PDZRN3: variants seen among roughly 807,000 people sequenced by gnomAD.
The protein encoded by PDZRN3 is PDZ domain containing ring finger 3, also known as E3 ubiquitin-protein ligase PDZRN3.
Under a neutral mutation model 85.7 loss-of-function variants are expected in PDZRN3, and 38 were observed. That is an observed-to-expected ratio of 0.44 (90% CI 0.34 to 0.58). The LOEUF (loss-of-function observed/expected upper bound fraction) is 0.58, where lower values mean the gene tolerates loss of function less well. Ranked by LOEUF, PDZRN3 falls within the 20% of genes least tolerant of loss-of-function variation. The probability of loss-of-function intolerance (pLI) is 0.01; values close to 1 mark genes in which losing one functional copy is unlikely to be tolerated. For missense variants in PDZRN3, 1,629 were observed against 1,506.4 expected (o/e 1.08, Z -1.35); for synonymous variants, 759 against 638.0 (o/e 1.19, Z -2.86).
Position 73,573,718 on chromosome 3 carries a change from C to T in PDZRN3, c.918+28636G>A, listed in dbSNP as rs543853085. On this transcript the variant is annotated intron_variant, in intron 3 of 9. Transcript: ENST00000263666. ...TCATTTTTCCCAATCTATGCAAGTC[C>T]ACCAAAAATACTTTAGCAGGCTTTA... Among the ~76,000 whole-genome samples, 10 of 152,220 alleles carry T rather than the reference C, an allele frequency of 6.6e-5. No homozygotes were observed. The East Asian group carries it at 1.5e-3, about 24-fold the overall frequency.
rs182359390 is a variant in PDZRN3 at position 73,591,251 on chromosome 3, A to G, written c.918+11103T>C. ...ATTACTCATGAGTCATTATAAAAAC[A>G]GAAATCTTAATGTTTTTGGCACTTT... On this transcript the variant is annotated intron_variant, in intron 3 of 9. Transcript: ENST00000263666. Among the ~76,000 whole-genome samples the G allele has an allele frequency of 2.6e-5, 4 of 152,350 alleles. No homozygotes were observed. In the East Asian group the frequency reaches 5.8e-4, roughly 22 times the overall value.
At chr3:73,429,538 A>G (rs929580823) in intron 3 of PDZRN3, among the ~76,000 whole-genome samples, 1 of 152,222 alleles carries the variant, frequency 6.6e-6, no homozygotes, top group Non-Finnish European at 1.5e-5. Context: ...TCAAGTTTCC[A>G]GACTTCTCCA....
chr3:73,459,984 T>C lies in PDZRN3; in HGVS notation c.919-55589A>G, dbSNP rs116075850. On this transcript the variant is annotated intron_variant, in intron 3 of 9. Transcript: ENST00000263666. ...CACTTCCCCTTCCAAGTGAAAAATG[T>C]AGATGACAATGTTTGTGGAAGATGA... Among the ~76,000 whole-genome samples, 885 of 152,324 alleles carry C rather than the reference T, an allele frequency of 5.8e-3. 4 individuals carry two copies. The highest frequency in any genetic ancestry group is 0.02 in the African/African-American group (845 of 41,576).
chr3:73,472,987 G>C (rs1299309876), intron 3 of PDZRN3, among the ~76,000 whole-genome samples: 1 of 152,188 alleles, frequency 6.6e-6, no homozygotes, highest in Non-Finnish European at 1.5e-5. Flanking sequence ...TTAACGTGCA[G>C]TGAATGGACG....
intron 3 of PDZRN3, among the ~76,000 whole-genome samples, chr3:73,466,412 C>T (rs1703215312): frequency 6.6e-6 from 1 of 151,812 alleles, no homozygotes; most frequent in South Asian, 2.1e-4. Context: ...ACAACAAAAG[C>T]AAGACACTCA....
At chr3:73,534,264 TAACAATGA>T (rs1704726710) in intron 3 of PDZRN3, among the ~76,000 whole-genome samples, 1 of 152,188 alleles carries the variant, frequency 6.6e-6, no homozygotes. Flanking sequence ...GCCCAGCACA[TAACAATGA>T]AGGGCTGAAT....
intron 5 of PDZRN3, among the ~76,000 whole-genome samples, chr3:73,394,497 A>C (rs1485655568): frequency 6.6e-6 from 1 of 152,176 alleles, no homozygotes; most frequent in East Asian, 1.9e-4. Context: ...GCACTCCAGG[A>C]GCAGTTTTCT....
At chr3:73,531,273 A>C (rs1196359620) in intron 3 of PDZRN3, among the ~76,000 whole-genome samples, 1 of 149,984 alleles carries the variant, frequency 6.7e-6, no homozygotes, top group African/African-American at 2.5e-5. Context: ...AAAAAAAAAA[A>C]GGAGTGCTAA....
At chr3:73,514,840 A>G (rs1332066475) in intron 3 of PDZRN3, among the ~76,000 whole-genome samples, 1 of 152,214 alleles carries the variant, frequency 6.6e-6, no homozygotes. Flanking sequence ...CGGTACAAAG[A>G]CAAGCATTTC....
At chr3:73,528,857 C>A (rs1007194349) in intron 3 of PDZRN3, among the ~76,000 whole-genome samples, 1 of 151,528 alleles carries the variant, frequency 6.6e-6, no homozygotes, top group Non-Finnish European at 1.5e-5. Context: ...AAAGTGGACA[C>A]ATTTAGTCCT....
At chr3:73,464,905 A>T (rs1175052475) in intron 3 of PDZRN3, among the ~76,000 whole-genome samples, 1 of 152,096 alleles carries the variant, frequency 6.6e-6, no homozygotes, top group Non-Finnish European at 1.5e-5. Context: ...ACCACTTTTC[A>T]AGAATACAAT....
intron 3 of PDZRN3, among the ~76,000 whole-genome samples, chr3:73,460,175 T>C (rs1369676761): frequency 6.6e-6 from 1 of 152,186 alleles, no homozygotes; most frequent in Non-Finnish European, 1.5e-5. Flanking sequence ...TCTAAGCAAC[T>C]AAAAGTTTGT....
chr3:73,569,170 T>A (rs1702003414), intron 3 of PDZRN3: 1 of 1,289,340 alleles, frequency 7.8e-7, no homozygotes, highest in African/African-American at 1.5e-5. Context: ...CATGTTTGAT[T>A]CTTCTTTACT....
intron 3 of PDZRN3, among the ~76,000 whole-genome samples, chr3:73,452,273 C>T (rs971234815): frequency 3.3e-5 from 5 of 151,982 alleles, no homozygotes; most frequent in African/African-American, 1.2e-4. Context: ...GTTAGTAGCA[C>T]GGTCTCAAAT....
intron 2 of PDZRN3, among the ~76,000 whole-genome samples, chr3:73,603,126 CAG>C (rs1362834681): frequency 1.3e-5 from 2 of 152,230 alleles, no homozygotes; most frequent in Non-Finnish European, 2.9e-5. Context: ...GTTCATTAGA[CAG>C]AGTGTTTTCC....
At chr3:73,621,016 G>C (rs564879116) in intron 1 of PDZRN3, among the ~76,000 whole-genome samples, 5 of 152,370 alleles carry the variant, frequency 3.3e-5, no homozygotes, top group African/African-American at 9.6e-5. Flanking sequence ...TCTTCGTCTA[G>C]CTTAGCGGCT....
At chr3:73,536,515 CT>C (rs2106768707) in intron 3 of PDZRN3, among the ~76,000 whole-genome samples, 1 of 152,330 alleles carries the variant, frequency 6.6e-6, no homozygotes, top group African/African-American at 2.4e-5. Flanking sequence ...GTCATGTCCA[CT>C]GAAAAAAATA....
At chr3:73,395,827 T>A (rs1449951784) in intron 5 of PDZRN3, among the ~76,000 whole-genome samples, 1 of 152,248 alleles carries the variant, frequency 6.6e-6, no homozygotes, top group African/African-American at 2.4e-5. Flanking sequence ...GGGTGCCTAC[T>A]ATATGCCAGA....
chr3:73,558,165 T>C (rs933599406), intron 3 of PDZRN3, among the ~76,000 whole-genome samples: 2 of 151,112 alleles, frequency 1.3e-5, no homozygotes, highest in African/African-American at 4.9e-5. Context: ...GTTTATGTAA[T>C]GCAAATAAAA....
Sources: allele counts gnomAD v4.1 joint callset (sites outside exome capture counted in the v4.1 genomes callset), GRCh38; gene constraint gnomAD v4.1.1; transcripts MANE v1.5; gene names NCBI Gene and HGNC (gene_info 2026-07-23, HGNC 2026-07-21).